The following FBXO4 variants were observed in gnomAD, a reference collection of about 807,000 sequenced individuals.
FBXO4 encodes F-box protein 4, also known as F-box only protein 4.
In FBXO4, 36 loss-of-function variants were observed where a neutral mutation model predicts 43.7. The observed-to-expected ratio is 0.82, with a 90% confidence interval of 0.63 to 1.09. The LOEUF is 1.09. Among genes scored for constraint, FBXO4 ranks in the 50% least tolerant of loss-of-function variants. The pLI, the probability that FBXO4 is intolerant of heterozygous loss-of-function variation, is 0.00. For synonymous variants in FBXO4, 180 were observed against 165.6 expected (o/e 1.09, Z -0.67); for missense variants, 435 against 474.1 (o/e 0.92, Z 0.77).
At chr5:41,946,394 T>A (rs1312170128), downstream of FBXO4, among the ~76,000 whole-genome samples, 1 of 152,236 alleles carries the variant, frequency 6.6e-6, no homozygotes, top group Non-Finnish European at 1.5e-5. Context: ...AAAAATGCAT[T>A]TGCCTGTTGA....
At chr5:41,966,814 G>T in the FBXO4 span, among the ~76,000 whole-genome samples, 1 of 152,122 alleles carries the variant, frequency 6.6e-6, no homozygotes, top group African/African-American at 2.4e-5. Context: ...CTAGAGAAGT[G>T]CAATCCTAGA....
chr5:41,985,801 G>A, the FBXO4 span, among the ~76,000 whole-genome samples: 21,393 of 152,030 alleles, frequency 0.14, 2,433 homozygotes, highest in African/African-American at 0.31. Context: ...TCAGTAAAAT[G>A]TAACTATTAA....
chr5:41,993,609 A>T, the FBXO4 span, among the ~76,000 whole-genome samples: 1 of 140,066 alleles, frequency 7.1e-6, no homozygotes, highest in African/African-American at 2.8e-5. Context: ...AGAGAGACAG[A>T]ACTAATAGGA....
At chr5:42,023,075 G>C in the FBXO4 span, among the ~76,000 whole-genome samples, 8 of 152,128 alleles carry the variant, frequency 5.3e-5, no homozygotes, top group African/African-American at 1.7e-4. Context: ...GCACTCCATT[G>C]TCTGACTACG....
intron 3 of FBXO4, among the ~76,000 whole-genome samples, chr5:41,931,725 C>T (rs1307216794): frequency 3.3e-5 from 5 of 152,258 alleles, no homozygotes; most frequent in Admixed American, 2.0e-4. Context: ...GGGAGTCATA[C>T]GGAGTCCACA....
chr5:41,963,056 T>A, the FBXO4 span, among the ~76,000 whole-genome samples: 2 of 152,184 alleles, frequency 1.3e-5, no homozygotes, highest in African/African-American at 2.4e-5. Context: ...ACTTTACATA[T>A]TATCTGGCTG....
the FBXO4 span, among the ~76,000 whole-genome samples, chr5:41,978,379 A>G: frequency 6.6e-6 from 1 of 152,244 alleles, no homozygotes; most frequent in Non-Finnish European, 1.5e-5. Context: ...TTAGAAAATT[A>G]TAAAAGTACT....
chr5:41,983,581 C>G, the FBXO4 span, among the ~76,000 whole-genome samples: 1 of 152,002 alleles, frequency 6.6e-6, no homozygotes, highest in Non-Finnish European at 1.5e-5. Flanking sequence ...AATTATTTAA[C>G]TGAATTTTTT....
chr5:41,930,603 A>G (rs1751656304), intron 3 of FBXO4, among the ~76,000 whole-genome samples: 1 of 152,194 alleles, frequency 6.6e-6, no homozygotes, highest in African/African-American at 2.4e-5. Flanking sequence ...GTTGTAGGCC[A>G]TCACAAAAAG....
chr5:41,930,033 G>T, intron 3 of FBXO4, 116 bp downstream of exon 3: 3 of 822,116 alleles, frequency 3.6e-6, no homozygotes, highest in Non-Finnish European at 5.6e-6. Flanking sequence ...CAGTACTTTG[G>T]TTGTTGGGAG....
intron 5 of FBXO4, among the ~76,000 whole-genome samples, chr5:41,935,388 G>A (rs987432354): frequency 5.3e-5 from 8 of 152,306 alleles, no homozygotes; most frequent in African/African-American, 1.7e-4. Context: ...GCTGGTGCTT[G>A]AAGACAGGTA....
At chr5:41,965,217 G>C in the FBXO4 span, among the ~76,000 whole-genome samples, 1 of 152,042 alleles carries the variant, frequency 6.6e-6, no homozygotes, top group African/African-American at 2.4e-5. Context: ...TATTTCTGAG[G>C]GCTCTGTTCT....
the FBXO4 span, among the ~76,000 whole-genome samples, chr5:42,004,575 T>A: frequency 6.6e-6 from 1 of 151,992 alleles, no homozygotes; most frequent in Non-Finnish European, 1.5e-5. Flanking sequence ...TGGAAAAAAA[T>A]TATTTGGTTT....
At chr5:41,929,040 A>G (rs1346630236) in intron 2 of FBXO4, among the ~76,000 whole-genome samples, 1 of 152,236 alleles carries the variant, frequency 6.6e-6, no homozygotes, top group South Asian at 2.1e-4. Context: ...ATTTGAGGCT[A>G]TTAATAGAAG....
At chr5:41,941,083 A>G in intron 6 of FBXO4, 109 bp from the exon 7 acceptor site, 2 of 764,760 alleles carry the variant, frequency 2.6e-6, no homozygotes, top group Non-Finnish European at 4.2e-6. Context: ...GTTTATTGGG[A>G]TTTTTAAAAG....
chr5:41,961,984 C>A, the FBXO4 span, among the ~76,000 whole-genome samples: 1 of 152,198 alleles, frequency 6.6e-6, no homozygotes, highest in Admixed American at 6.5e-5. Flanking sequence ...ATTTCACCAG[C>A]AATCTTTTCT....
chr5:42,021,903 C>T, the FBXO4 span, among the ~76,000 whole-genome samples: 3 of 152,104 alleles, frequency 2.0e-5, no homozygotes, highest in African/African-American at 7.2e-5. Flanking sequence ...AGTATATTTA[C>T]TTCACACTTT....
chr5:42,008,167 A>G, the FBXO4 span, among the ~76,000 whole-genome samples: 1 of 152,180 alleles, frequency 6.6e-6, no homozygotes, highest in Non-Finnish European at 1.5e-5. Flanking sequence ...CATTGGACAC[A>G]TATTTGCCCA....
the FBXO4 span, among the ~76,000 whole-genome samples, chr5:41,980,405 G>A: frequency 1.3e-5 from 2 of 152,256 alleles, no homozygotes; most frequent in East Asian, 3.9e-4. Flanking sequence ...GAATCTTGAA[G>A]TTAATTAATT....
Sources: gnomAD v4.1 joint callset for allele counts (sites outside exome capture counted in the v4.1 genomes callset) on GRCh38, gnomAD v4.1.1 for gene constraint, MANE v1.5 for transcripts, NCBI Gene and HGNC (gene_info 2026-07-23, HGNC 2026-07-21) for gene names.